The following MARK2 variants were observed in gnomAD, a reference collection of about 807,000 sequenced individuals.
MARK2 encodes serine/threonine-protein kinase MARK2.
MARK2 carries 16 observed loss-of-function variants against 89.8 expected under a neutral mutation model. The ratio of observed to expected loss-of-function variants is 0.18; its 90% CI spans 0.12 to 0.27. The LOEUF (loss-of-function observed/expected upper bound fraction) is 0.27. MARK2 is among the 10% of genes least tolerant of loss of function. The pLI, the probability that MARK2 is intolerant of heterozygous loss-of-function variation, is 1.00. For synonymous variants in MARK2, 382 were observed against 399.5 expected (o/e 0.96, Z 0.52); for missense variants, 621 against 1,049.9 (o/e 0.59, Z 5.65).
rs915433857 is a variant in MARK2 at position 63,903,333 on chromosome 11, C to G, written c.1514+175C>G. 6 of 606,562 alleles carry G rather than the reference C, an allele frequency of 9.9e-6. No homozygotes were observed. In the South Asian group the frequency reaches 1.1e-4, roughly 11 times the overall value. 37.6% of individuals were successfully genotyped at this position (606,562 alleles called of 1,614,324 possible). On this transcript the variant is annotated intron_variant, in intron 14 of 18. Coordinates refer to ENST00000402010, the MANE Select transcript of MARK2 (RefSeq NM_001039469.3). The surrounding 1 kb of genome is among the most constrained non-coding windows in gnomAD (Gnocchi z 5.1). ...CTCCCCTATTCCACGCCATTGCCTC[C>G]TCCCCATCTTCCTCTGACTGCTACT...
intron 4 of MARK2, 70 bp downstream of exon 4, chr11:63,898,350 T>C (rs1193693192): frequency 6.9e-7 from 1 of 1,454,140 alleles, no homozygotes; most frequent in Non-Finnish European, 9.7e-7. Context: ...TGTCATCTTC[T>C]CCCCGAGGTG....
At chr11:63,882,910 C>T (rs1939181937) in intron 1 of MARK2, among the ~76,000 whole-genome samples, 1 of 152,200 alleles carries the variant, frequency 6.6e-6, no homozygotes, top group South Asian at 2.1e-4. Context: ...GCTGCCTCCC[C>T]ACAGTCCTCT....
At chr11:63,892,383 C>T (rs1304719008) in intron 1 of MARK2, among the ~76,000 whole-genome samples, 1 of 152,174 alleles carries the variant, frequency 6.6e-6, no homozygotes, top group African/African-American at 2.4e-5. Context: ...TTGCTGCTGT[C>T]GTTTCTGCCT....
intron 1 of MARK2, among the ~76,000 whole-genome samples, chr11:63,856,406 C>T (rs1034634657): frequency 1.1e-4 from 15 of 140,644 alleles, no homozygotes; most frequent in Non-Finnish European, 2.0e-4. Flanking sequence ...TCTCATTTTC[C>T]CTTTTAATTT....
intron 1 of MARK2, chr11:63,868,763 CAGAGG>C (rs565387321): frequency 4.6e-5 from 21 of 455,836 alleles, no homozygotes; most frequent in Non-Finnish European, 8.4e-5. Context: ...GATGGGTGGG[CAGAGG>C]AACACTAGTG....
rs1475274826 is a variant in MARK2 at position 63,839,463 on chromosome 11, C to T, written c.-44C>T. ...GGGCTCCGCGCCTTCCCTTCCCTCC[C>T]TTCCTCCAAGCTTCTCGGTTCCCTC... On this transcript the variant is annotated 5_prime_UTR_variant, in exon 1 of 19. Transcript: ENST00000402010. The T allele has an allele frequency of 3.0e-6, 4 of 1,343,736 alleles. No individual in the cohort carries two copies. The African/African-American group carries it at 5.9e-5, about 20-fold the overall frequency. 83.2% of individuals were successfully genotyped at this position (1,343,736 alleles called of 1,614,324 possible). A position where few individuals can be genotyped will look rare whatever the true frequency, so the allele number is the denominator to read the frequency against.
In MARK2 at chr11:63,839,526, C is replaced by T; in HGVS notation, c.20C>T (p.Pro7Leu). ...GGCGCCATGTCCAGCGCTCGGACCCCCCTACCCACGCTGAACGAGAGGGAC... is the reference window on the plus strand; with the variant it reads ...GGCGCCATGTCCAGCGCTCGGACCCTCCTACCCACGCTGAACGAGAGGGAC... MSSARTPLPTLNERDTE... is the reference protein window; with the variant it reads MSSARTLLPTLNERDTE... Residue 7 changes from proline (P) to leucine (L), a missense_variant, in exon 1 of 19, where the codon CCC (proline) becomes CTC (leucine). Pro to Leu is a moderately conservative substitution (Grantham distance 98, BLOSUM62 -3). Coordinates refer to ENST00000402010, the MANE Select transcript of MARK2 (RefSeq NM_001039469.3). 2 of 1,540,240 alleles carry T rather than the reference C, an allele frequency of 1.3e-6. No homozygotes were observed. Among genetic ancestry groups the T allele is most frequent in the Non-Finnish European group, 1.8e-6 (2 of 1,141,964 alleles).
intron 1 of MARK2, among the ~76,000 whole-genome samples, chr11:63,876,292 A>G (rs1422792479): frequency 9.2e-5 from 14 of 152,236 alleles, no homozygotes; most frequent in Non-Finnish European, 2.1e-4. Flanking sequence ...TTTTGGAGAT[A>G]CAGAGAATTC....
intron 1 of MARK2, among the ~76,000 whole-genome samples, chr11:63,884,402 T>C (rs1188289013): frequency 6.6e-6 from 1 of 152,026 alleles, no homozygotes; most frequent in African/African-American, 2.4e-5. Flanking sequence ...ATGTCAGGTT[T>C]TTCCCAGGCA....
chr11:63,866,245 G>A (rs1254366953), intron 1 of MARK2, among the ~76,000 whole-genome samples: 6 of 151,652 alleles, frequency 4.0e-5, no homozygotes, highest in African/African-American at 1.2e-4. Context: ...CCAGCTACTC[G>A]GGAGACTGAG....
At chr11:63,877,967 C>G (rs1414652011) in intron 1 of MARK2, among the ~76,000 whole-genome samples, 1 of 152,238 alleles carries the variant, frequency 6.6e-6, no homozygotes, top group Non-Finnish European at 1.5e-5. Flanking sequence ...ATCTGGCAAG[C>G]TGGCCAGGAT....
chr11:63,854,219 T>TGTGTGA lies in MARK2; in HGVS notation c.54+14660_54+14661insTGTGAG, dbSNP rs1437717037. On this transcript the variant is annotated intron_variant, in intron 1 of 18. Transcript: ENST00000402010. ...GTGTGTGTGTGTGTGTGTGTGTGTG[T>TGTGTGA]GACAAGGTCTCACTGTGTCACTTAG... Among the ~76,000 whole-genome samples the TGTGTGA allele has an allele frequency of 5.6e-5, 8 of 143,448 alleles. No homozygotes were observed. The South Asian group carries it at 8.9e-4, about 16-fold the overall frequency. The allele number at this position is 143,448 out of a possible 152,430, so 94.1% of individuals were successfully genotyped here. A position where few individuals can be genotyped will look rare whatever the true frequency, so the allele number is the denominator to read the frequency against.
At chr11:63,849,801 TC>T (rs1350901843) in intron 1 of MARK2, among the ~76,000 whole-genome samples, 1 of 152,208 alleles carries the variant, frequency 6.6e-6, no homozygotes, top group Non-Finnish European at 1.5e-5. Context: ...TGTATTGGAA[TC>T]CTGGATCATC....
chr11:63,900,152 T>C lies in MARK2; in HGVS notation c.768+42T>C. 1 of 1,466,062 alleles carries C rather than the reference T, an allele frequency of 6.8e-7. No homozygotes were observed. Among genetic ancestry groups the C allele is most frequent in the South Asian group, 1.1e-5 (1 of 87,928 alleles). The allele number at this position is 1,466,062 out of a possible 1,614,324, so 90.8% of individuals were successfully genotyped here. Reference sequence around the variant, plus strand: ...GCTTTTTATTGCTTCTCATTTCCTCTCGGCCTCTGGTCTTAGCCCTGACCT... The same window carrying C: ...GCTTTTTATTGCTTCTCATTTCCTCCCGGCCTCTGGTCTTAGCCCTGACCT... On this transcript the variant is annotated intron_variant, in intron 8 of 18. Transcript: ENST00000402010. This position sits in a 1 kb window ranked among gnomAD's most constrained non-coding sequence, Gnocchi z 4.7.
rs367995619 is a variant in MARK2 at position 63,898,330 on chromosome 11, C to T, written c.337+50C>T. ...CTTCTTCCCCAACAGCAAGGCACTG[C>T]TTTCCAGCATGTCATCTTCTCCCCG... On this transcript the variant is annotated intron_variant, in intron 4 of 18. Coordinates refer to ENST00000402010, the MANE Select transcript of MARK2 (RefSeq NM_001039469.3). The T allele has an allele frequency of 2.0e-5, 31 of 1,542,618 alleles. No homozygotes were observed. The African/African-American group carries it at 4.1e-4, about 20-fold the overall frequency.
At chr11:63,843,127 G>A (rs566109372) in intron 1 of MARK2, among the ~76,000 whole-genome samples, 2 of 152,172 alleles carry the variant, frequency 1.3e-5, no homozygotes, top group African/African-American at 4.8e-5. Flanking sequence ...CTAATCTGGG[G>A]CTCGTAGCTT....
chr11:63,862,151 C>T (rs951232282), intron 1 of MARK2, among the ~76,000 whole-genome samples: 5 of 151,998 alleles, frequency 3.3e-5, no homozygotes, highest in African/African-American at 1.2e-4. Flanking sequence ...TCTCAAACTC[C>T]GGACATCAGG....
Position 63,844,778 on chromosome 11 carries a change from TG to T in MARK2, c.54+5220del, listed in dbSNP as rs1016027521. On this transcript the variant is annotated intron_variant, in intron 1 of 18. Transcript: ENST00000402010. ...TTCTCAGACTAGATTGTTTCCCCTTTGGACAGAACAACCCAATTCTCAGTGG... is the reference window on the plus strand; with the variant it reads ...TTCTCAGACTAGATTGTTTCCCCTTTGACAGAACAACCCAATTCTCAGTGG... Among the ~76,000 whole-genome samples, 40 of 152,352 alleles carry T rather than the reference TG, an allele frequency of 2.6e-4. No homozygotes were observed. The East Asian group carries it at 5.4e-3, about 21-fold the overall frequency.
intron 1 of MARK2, among the ~76,000 whole-genome samples, chr11:63,846,448 C>T (rs1428037652): frequency 7.3e-5 from 11 of 151,476 alleles, no homozygotes; most frequent in Admixed American, 2.0e-4. Flanking sequence ...CTCCGCCTCC[C>T]GGATTCAAGT....
Sources: gnomAD v4.1 joint callset for allele counts (sites outside exome capture counted in the v4.1 genomes callset) on GRCh38, gnomAD v4.1.1 for gene constraint, Gnocchi (gnomAD v3.1) non-coding constraint, MANE v1.5 for transcripts, NCBI Gene and HGNC (gene_info 2026-07-23, HGNC 2026-07-21) for gene names.